Variants in FKBP9 observed in about 807,000 individuals in gnomAD.
The protein encoded by FKBP9 is peptidyl-prolyl cis-trans isomerase FKBP9.
FKBP9 carries 27 observed loss-of-function variants against 55.6 expected under a neutral mutation model. The ratio of observed to expected loss-of-function variants is 0.49; its 90% CI spans 0.36 to 0.67. The LOEUF (loss-of-function observed/expected upper bound fraction) is 0.67, where lower values mean the gene tolerates loss of function less well. FKBP9 is among the 30% of genes least tolerant of loss of function. FKBP9 has a pLI of 0.00. For synonymous variants in FKBP9, 267 were observed against 296.5 expected (o/e 0.90, Z 1.02); for missense variants, 539 against 742.8 (o/e 0.73, Z 3.19).
intron 5 of FKBP9, among the ~76,000 whole-genome samples, 199 bp from the exon 6 acceptor site, chr7:32,988,308 T>C (rs1784614044): frequency 6.6e-6 from 1 of 152,240 alleles, no homozygotes; most frequent in Non-Finnish European, 1.5e-5. Flanking sequence ...TACAGGTGGC[T>C]GTTCACATGC....
rs1245615236 is a variant in FKBP9 at position 32,977,896 on chromosome 7, C to CAT, written c.703+1407_703+1408dup. 5.5e-5 allele frequency among the ~76,000 whole-genome samples: 7 copies of CAT among 126,654 alleles called. No homozygotes were observed. In the South Asian group the frequency reaches 7.7e-4, roughly 14 times the overall value. The allele number at this position is 126,654 out of a possible 152,430, so 83.1% of individuals were successfully genotyped here. On this transcript the variant is annotated intron_variant, in intron 4 of 9. Coordinates refer to ENST00000242209, the MANE Select transcript of FKBP9 (RefSeq NM_007270.5). The stretch of plus-strand genomic sequence containing the variant: ...ATATATATATATGTATATATACACT[C>CAT]ATATATATATACTCATATATATATA...
chr7:32,976,008 T>C (rs1784356901), intron 3 of FKBP9, among the ~76,000 whole-genome samples: 1 of 152,078 alleles, frequency 6.6e-6, no homozygotes, highest in Non-Finnish European at 1.5e-5. Flanking sequence ...AGTTTTCCCA[T>C]GGAAGCAAGA....
intron 1 of FKBP9, among the ~76,000 whole-genome samples, chr7:32,973,131 G>A (rs1784284155): frequency 6.6e-6 from 1 of 152,016 alleles, no homozygotes. Flanking sequence ...AAACCCTGTG[G>A]GTCTCTATCA....
intron 1 of FKBP9, 74 bp downstream of exon 1, chr7:32,957,868 G>C (rs1202456045): frequency 8.7e-7 from 1 of 1,144,720 alleles, no homozygotes; most frequent in Non-Finnish European, 1.2e-6. Flanking sequence ...TTTCCCTCCT[G>C]CCGGACCTCC....
At chr7:32,976,227 T>C in intron 3 of FKBP9, 127 bp from the exon 4 acceptor site, 1 of 1,023,314 alleles carries the variant, frequency 9.8e-7, no homozygotes. Context: ...GATCCATAAA[T>C]GTCTATCTCT....
At chr7:32,983,403 C>T (rs1382180418) in intron 5 of FKBP9, among the ~76,000 whole-genome samples, 8 of 151,832 alleles carry the variant, frequency 5.3e-5, no homozygotes, top group Non-Finnish European at 8.8e-5. Flanking sequence ...CAACCTCCAC[C>T]TGCTGGGTTC....
Position 32,957,792 on chromosome 7 carries a change from C to T in FKBP9, c.219C>T (p.Ser73=). 6.9e-7 allele frequency: 1 copy of T among 1,445,716 alleles called. No homozygotes were observed. The highest frequency in any genetic ancestry group is 9.1e-7 in the Non-Finnish European group (1 of 1,101,758). 89.6% of individuals were successfully genotyped at this position (1,445,716 alleles called of 1,614,324 possible). Reference sequence around the variant, plus strand: ...TCCCCGACGGCCAGAAGTTCGACTCCAGGTACCGCGCCCTTGGCGCCCGGC... The same window carrying T: ...TCCCCGACGGCCAGAAGTTCGACTCTAGGTACCGCGCCCTTGGCGCCCGGC... The part of the protein sequence containing the change: ...GTFPDGQKFD[S]SYDRDSTFNV... Residue 73 remains serine, a splice_region_variant and synonymous_variant, in exon 1 of 10, where the codon TCC becomes TCT. Transcript: ENST00000242209.
intron 9 of FKBP9, among the ~76,000 whole-genome samples, chr7:33,004,142 G>A (rs1210748503): frequency 6.6e-6 from 1 of 151,978 alleles, no homozygotes; most frequent in Admixed American, 6.5e-5. Flanking sequence ...TCTACCTTGA[G>A]AGCACACACA....
intron 4 of FKBP9, 79 bp from the exon 5 acceptor site, chr7:32,980,262 AAACCTCAAGAAATGAATAACACC>A (rs1784448710): frequency 9.3e-7 from 1 of 1,079,608 alleles, no homozygotes; most frequent in Admixed American, 2.6e-5. Flanking sequence ...CTTGGCTTCA[AAACCTCAAGAAATGAATAACACC>A]AACCCCAAGC....
At chr7:32,998,991 C>T (rs1245688938) in intron 7 of FKBP9, among the ~76,000 whole-genome samples, 2 of 152,226 alleles carry the variant, frequency 1.3e-5, no homozygotes, top group African/African-American at 4.8e-5. Context: ...AAGAAACATG[C>T]GTTCCTGGAT....
chr7:32,981,136 A>G (rs1450768717), intron 5 of FKBP9, among the ~76,000 whole-genome samples: 1 of 150,882 alleles, frequency 6.6e-6, no homozygotes, highest in African/African-American at 2.4e-5. Flanking sequence ...AATGGGCTTA[A>G]TGCCAAGAGA....
At chr7:33,004,947 T>C (rs1337060529) in intron 9 of FKBP9, among the ~76,000 whole-genome samples, 1 of 152,044 alleles carries the variant, frequency 6.6e-6, no homozygotes, top group Non-Finnish European at 1.5e-5. Context: ...GCTACCTGAA[T>C]AATAAGGGCT....
At chr7:32,984,459 T>C (rs939961938) in intron 5 of FKBP9, among the ~76,000 whole-genome samples, 4 of 152,178 alleles carry the variant, frequency 2.6e-5, no homozygotes, top group Non-Finnish European at 5.9e-5. Flanking sequence ...GGTTTCACCA[T>C]TTCGGCCTGG....
chr7:33,000,358 T>C, intron 8 of FKBP9, 98 bp downstream of exon 8: 2 of 1,413,124 alleles, frequency 1.4e-6, no homozygotes, highest in Non-Finnish European at 1.9e-6. Context: ...GCATGCTTCT[T>C]ACATGTAATA....
chr7:32,957,741 C>T lies in FKBP9; in HGVS notation c.168C>T (p.Phe56=). The change falls in exon 1 of 10, where the codon TTC becomes TTT. Residue 56 remains phenylalanine (F), a synonymous_variant. Coordinates refer to ENST00000242209, the MANE Select transcript of FKBP9 (RefSeq NM_007270.5). ...ECPRTVRSGD[F]VRYHYVGTFP... ...CGCGCACCGTGCGCAGCGGCGACTT[C>T]GTGCGCTACCACTACGTGGGGACGT... 6.6e-7 allele frequency: 1 copy of T among 1,520,426 alleles called. No homozygotes were observed. The highest frequency in any genetic ancestry group is 8.8e-7 in the Non-Finnish European group (1 of 1,137,854). The allele number at this position is 1,520,426 out of a possible 1,614,324, so 94.2% of individuals were successfully genotyped here. A position where few individuals can be genotyped will look rare whatever the true frequency, so the allele number is the denominator to read the frequency against.
At chr7:32,971,404 A>G (rs920666284) in intron 1 of FKBP9, among the ~76,000 whole-genome samples, 3 of 152,198 alleles carry the variant, frequency 2.0e-5, no homozygotes, top group Admixed American at 6.6e-5. Context: ...AGGCGACATC[A>G]AATGAAGAAG....
chr7:32,981,322 G>A (rs1422242206), intron 5 of FKBP9, among the ~76,000 whole-genome samples: 1 of 152,208 alleles, frequency 6.6e-6, no homozygotes, highest in East Asian at 1.9e-4. Context: ...CAGCTGGACG[G>A]CACTGGTTGG....
At chr7:32,960,218 A>C (rs1783993498) in intron 1 of FKBP9, among the ~76,000 whole-genome samples, 1 of 148,680 alleles carries the variant, frequency 6.7e-6, no homozygotes, top group African/African-American at 2.5e-5. Context: ...GGGTTCAAGC[A>C]ATTCTCTTAC....
chr7:32,996,665 C>CTTCCTTG (rs1562574973), intron 7 of FKBP9, among the ~76,000 whole-genome samples: 48 of 137,296 alleles, frequency 3.5e-4, no homozygotes, highest in African/African-American at 1.2e-3. Flanking sequence ...TTCCTTGCTC[C>CTTCCTTG]CTCCCTCCCT....
Sources: allele counts gnomAD v4.1 joint callset (sites outside exome capture counted in the v4.1 genomes callset), GRCh38; gene constraint gnomAD v4.1.1; transcripts MANE v1.5; gene names NCBI Gene and HGNC (gene_info 2026-07-23, HGNC 2026-07-21).